Variants in RAB28 observed in about 807,000 individuals in gnomAD.
RAB28 encodes the protein ras-related protein Rab-28.
A neutral mutation model predicts 31.7 loss-of-function variants in RAB28; 24 were observed. That is an observed-to-expected ratio of 0.76 (90% CI 0.55 to 1.06). The LOEUF is 1.06. Among genes scored for constraint, RAB28 ranks in the 50% least tolerant of loss-of-function variants. The pLI, the probability that RAB28 is intolerant of heterozygous loss-of-function variation, is 0.00. For synonymous variants in RAB28, 100 were observed against 90.4 expected (o/e 1.11, Z -0.60); for missense variants, 254 against 258.5 (o/e 0.98, Z 0.12).
chr4:13,444,218 G>A (rs988841201), intron 4 of RAB28, among the ~76,000 whole-genome samples: 2 of 151,584 alleles, frequency 1.3e-5, no homozygotes, highest in South Asian at 2.1e-4. Context: ...TAGTAGAGAC[G>A]GGGTTTCACC....
At chr4:13,404,607 T>C (rs952618557) in intron 4 of RAB28, among the ~76,000 whole-genome samples, 25 of 152,218 alleles carry the variant, frequency 1.6e-4, no homozygotes, top group African/African-American at 6.0e-4. Flanking sequence ...AGGAGCTTAA[T>C]TTCAAACCTA....
chr4:13,418,629 A>G (rs545806670), intron 4 of RAB28, among the ~76,000 whole-genome samples: 11 of 152,386 alleles, frequency 7.2e-5, no homozygotes, highest in African/African-American at 2.6e-4. Flanking sequence ...TTTTCAACCC[A>G]GAATTTCATA....
intron 1 of RAB28, among the ~76,000 whole-genome samples, chr4:13,483,074 G>C (rs1716684702): frequency 6.6e-6 from 1 of 152,154 alleles, no homozygotes; most frequent in Admixed American, 6.5e-5. Flanking sequence ...AGAAAGTGTT[G>C]GCGCCTTTGA....
intron 4 of RAB28, among the ~76,000 whole-genome samples, chr4:13,428,073 A>T (rs1314510101): frequency 5.9e-5 from 9 of 152,226 alleles, no homozygotes; most frequent in African/African-American, 2.2e-4. Flanking sequence ...AGTAATCAGA[A>T]CGGAACAGAA....
chr4:13,436,191 T>G (rs1262355772), intron 4 of RAB28, among the ~76,000 whole-genome samples: 1 of 151,962 alleles, frequency 6.6e-6, no homozygotes, highest in Non-Finnish European at 1.5e-5. Context: ...AAACTAGACA[T>G]CAAAGAAACA....
chr4:13,464,110 A>G (rs1466422234), intron 3 of RAB28, among the ~76,000 whole-genome samples: 1 of 152,106 alleles, frequency 6.6e-6, no homozygotes, highest in African/African-American at 2.4e-5. Flanking sequence ...ATTTTGACGA[A>G]CTGCTGGAGG....
rs1467870533 is a variant in RAB28, at chr4:13,477,976, T to C, written c.172+1454A>G. On this transcript the variant is annotated intron_variant, in intron 2 of 6. Transcript: ENST00000330852. ...TTTTCAACTAAAAAATGAGAAATAA[T>C]AAAGTAATGAGACAAGAAGTTGGTG... Among the ~76,000 whole-genome samples, 3 of 151,588 alleles carry C rather than the reference T, an allele frequency of 2.0e-5. No individual in the cohort carries two copies. The East Asian group carries it at 5.8e-4, about 29-fold the overall frequency.
chr4:13,454,149 T>G (rs1192209483), intron 4 of RAB28, among the ~76,000 whole-genome samples: 2 of 152,138 alleles, frequency 1.3e-5, no homozygotes, highest in Non-Finnish European at 2.9e-5. Flanking sequence ...TATTTTTTAT[T>G]TCATTAATTA....
At chr4:13,424,291 T>C (rs527750051) in intron 4 of RAB28, among the ~76,000 whole-genome samples, 1 of 152,198 alleles carries the variant, frequency 6.6e-6, no homozygotes, top group Non-Finnish European at 1.5e-5. Context: ...ATCTGAAGGC[T>C]CTAAGGAAGA....
intron 4 of RAB28, among the ~76,000 whole-genome samples, chr4:13,422,751 G>C (rs1321751331): frequency 6.6e-6 from 1 of 151,920 alleles, no homozygotes; most frequent in Admixed American, 6.6e-5. Flanking sequence ...GGCCTGTCAT[G>C]GGATGGGGGA....
At chr4:13,454,244 T>C (rs990359871) in intron 4 of RAB28, among the ~76,000 whole-genome samples, 3 of 152,218 alleles carry the variant, frequency 2.0e-5, no homozygotes, top group Non-Finnish European at 4.4e-5. Context: ...TGAATTATTT[T>C]CCTGATTTTG....
intron 4 of RAB28, among the ~76,000 whole-genome samples, chr4:13,425,104 A>G (rs1713401291): frequency 6.6e-6 from 1 of 152,102 alleles, no homozygotes; most frequent in Admixed American, 6.6e-5. Context: ...ATTTTCTTTT[A>G]CTTACCTATC....
intron 6 of RAB28, among the ~76,000 whole-genome samples, chr4:13,373,945 G>C (rs1466548988): frequency 6.6e-6 from 1 of 150,896 alleles, no homozygotes; most frequent in Non-Finnish European, 1.5e-5. Flanking sequence ...GTATATATAT[G>C]TATGTATGTA....
In RAB28 at chr4:13,368,594, A is replaced by C; in HGVS notation, c.630T>G (p.Val210=). Residue 210 remains valine (V), a synonymous_variant, in exon 7 of 7, where the codon GTT becomes GTG. Coordinates refer to ENST00000330852, the MANE Select transcript of RAB28 (RefSeq NM_001017979.3). ...NYNQEPMSRT[V]NPPRSSMCAV... is the part of the protein sequence containing the mutation. ...CACACATAGAGCTTCTAGGAGGGTT[A>C]ACAGTCCTTGACATAGGTTCCTGGT... The C allele has an allele frequency of 6.2e-7, 1 of 1,612,766 alleles. No individual in the cohort carries two copies. The highest frequency in any genetic ancestry group is 8.5e-7 in the Non-Finnish European group (1 of 1,179,208).
chr4:13,478,801 C>T (rs1375619067), intron 2 of RAB28, among the ~76,000 whole-genome samples: 1 of 151,660 alleles, frequency 6.6e-6, no homozygotes, highest in Non-Finnish European at 1.5e-5. Flanking sequence ...GTTATTATTT[C>T]CCCGTATTTC....
intron 4 of RAB28, among the ~76,000 whole-genome samples, chr4:13,401,431 C>T (rs1046219055): frequency 3.9e-5 from 6 of 151,966 alleles, no homozygotes; most frequent in Admixed American, 1.3e-4. Flanking sequence ...ATGTAGGTGA[C>T]GGGTTGATGG....
At chr4:13,431,242 T>C (rs931842815) in intron 4 of RAB28, among the ~76,000 whole-genome samples, 18 of 152,312 alleles carry the variant, frequency 1.2e-4, no homozygotes, top group African/African-American at 3.8e-4. Context: ...GAAAGGCTTA[T>C]CTGTGGCCCA....
At chr4:13,388,844 G>C (rs994335435) in intron 4 of RAB28, among the ~76,000 whole-genome samples, 7 of 152,068 alleles carry the variant, frequency 4.6e-5, no homozygotes, top group African/African-American at 1.7e-4. Flanking sequence ...ACTAATGTTT[G>C]TTGGTGGGAC....
intron 4 of RAB28, among the ~76,000 whole-genome samples, chr4:13,440,288 T>C (rs190957872): frequency 2.2e-4 from 33 of 152,172 alleles, no homozygotes; most frequent in African/African-American, 7.0e-4. Flanking sequence ...ATAACCAAGA[T>C]TTGGAATCAA....
Sources: gnomAD v4.1 joint callset for allele counts (sites outside exome capture counted in the v4.1 genomes callset) on GRCh38, gnomAD v4.1.1 for gene constraint, MANE v1.5 for transcripts, NCBI Gene and HGNC (gene_info 2026-07-23, HGNC 2026-07-21) for gene names.